Variants in EPHA7 observed in about 807,000 individuals in gnomAD.
The protein encoded by EPHA7 is ephrin type-A receptor 7.
In EPHA7, 25 loss-of-function variants were observed where a neutral mutation model predicts 112.6. The ratio of observed to expected loss-of-function variants is 0.22; its 90% confidence interval spans 0.16 to 0.31. The LOEUF is 0.31. Among genes scored for constraint, EPHA7 ranks in the 10% least tolerant of loss-of-function variants. The pLI, the probability that EPHA7 is intolerant of heterozygous loss-of-function variation, is 1.00. For missense variants in EPHA7, 962 were observed against 1,212.6 expected, an observed-to-expected ratio of 0.79 and a Z score of 3.07; for synonymous variants, 437 against 406.5, an observed-to-expected ratio of 1.07 and a Z score of -0.90.
At chr6:93,248,753 C>T (rs1770073578) in intron 14 of EPHA7, among the ~76,000 whole-genome samples, 1 of 152,098 alleles carries the variant, frequency 6.6e-6, no homozygotes, top group Non-Finnish European at 1.5e-5. Context: ...TCCAGGAGTG[C>T]AGTGGCACGA....
intron 5 of EPHA7, among the ~76,000 whole-genome samples, chr6:93,272,819 T>A (rs920769733): frequency 6.6e-6 from 1 of 151,996 alleles, no homozygotes; most frequent in Non-Finnish European, 1.5e-5. Context: ...AAAAAATAAT[T>A]TAATATGATG....
chr6:93,289,563 G>T (rs1026588229), intron 5 of EPHA7, among the ~76,000 whole-genome samples: 2 of 152,124 alleles, frequency 1.3e-5, no homozygotes, highest in Non-Finnish European at 2.9e-5. Flanking sequence ...GGTGGGGCTT[G>T]CATTGGGCCA....
At chr6:93,316,520 G>A (rs911122201) in intron 5 of EPHA7, among the ~76,000 whole-genome samples, 6 of 152,058 alleles carry the variant, frequency 3.9e-5, no homozygotes, top group Admixed American at 1.3e-4. Context: ...TCTAGATAGT[G>A]TGTAACACTA....
chr6:93,383,117 C>T (rs927645904), intron 3 of EPHA7, among the ~76,000 whole-genome samples: 1 of 152,102 alleles, frequency 6.6e-6, no homozygotes, highest in African/African-American at 2.4e-5. Flanking sequence ...CAAACATAAA[C>T]TCTCATGCTA....
At chr6:93,348,149 G>T (rs1775497545) in intron 5 of EPHA7, among the ~76,000 whole-genome samples, 1 of 151,750 alleles carries the variant, frequency 6.6e-6, no homozygotes, top group Non-Finnish European at 1.5e-5. Flanking sequence ...AACTCAGAAA[G>T]ATACTGGGAC....
chr6:93,322,336 A>G (rs1481397651), intron 5 of EPHA7, among the ~76,000 whole-genome samples: 2 of 151,782 alleles, frequency 1.3e-5, no homozygotes, highest in African/African-American at 4.8e-5. Flanking sequence ...AAATTTAGGA[A>G]GAAATATTCC....
chr6:93,267,974 C>A (rs1771026154), intron 7 of EPHA7, among the ~76,000 whole-genome samples: 1 of 151,648 alleles, frequency 6.6e-6, no homozygotes, highest in Admixed American at 6.6e-5. Flanking sequence ...TCTGAATTTA[C>A]AGGGTGATAT....
At position 93,357,655 on chromosome 6, in the gene EPHA7, C is replaced by CTT. The variant is rs11388617; in HGVS notation, c.988+599_988+600dup. ...TAATATCCATGCAAGACCCTAATAA[C>CTT]TTTTTTTTTTTTTTTGAGACGAGGT... On this transcript the variant is annotated intron_variant, in intron 4 of 16. Transcript: ENST00000369303. 3.7e-3 allele frequency among the ~76,000 whole-genome samples: 534 copies of CTT among 144,572 alleles called. 7 individuals are homozygous for CTT. The highest frequency in any genetic ancestry group is 0.021 in the East Asian group (104 of 4,924). 94.8% of individuals were successfully genotyped at this position (144,572 alleles called of 152,430 possible).
At chr6:93,315,463 T>A (rs577382852) in intron 5 of EPHA7, among the ~76,000 whole-genome samples, 1 of 152,230 alleles carries the variant, frequency 6.6e-6, no homozygotes, top group East Asian at 1.9e-4. Context: ...TATGACAAAT[T>A]TCAAAAGAAA....
At chr6:93,312,088 T>C (rs1331542864) in intron 5 of EPHA7, among the ~76,000 whole-genome samples, 2 of 152,154 alleles carry the variant, frequency 1.3e-5, no homozygotes, top group Non-Finnish European at 2.9e-5. Context: ...AAATTTAACA[T>C]AATTTAAGGG....
At chr6:93,303,003 CA>C (rs1231141271) in intron 5 of EPHA7, among the ~76,000 whole-genome samples, 1 of 152,034 alleles carries the variant, frequency 6.6e-6, no homozygotes, top group Admixed American at 6.6e-5. Flanking sequence ...AAAGACCTGC[CA>C]TACACATAGA....
chr6:93,345,659 C>A (rs918467898), intron 5 of EPHA7, among the ~76,000 whole-genome samples: 1 of 151,686 alleles, frequency 6.6e-6, no homozygotes, highest in African/African-American at 2.4e-5. Flanking sequence ...GTCATAAAAA[C>A]AGTTAAAATT....
rs185647795 is a variant in EPHA7, at chr6:93,380,469, T to C, written c.833-22058A>G. On this transcript the variant is annotated intron_variant, in intron 3 of 16. Transcript: ENST00000369303. ...TTTAAGATGTCCGGAGAAAGAAATA[T>C]CCATTAGTAAGTGGCATTCTCACTG... Among the ~76,000 whole-genome samples, 526 of 152,158 alleles carry C rather than the reference T, an allele frequency of 3.5e-3. 3 individuals are homozygous for C. The highest frequency in any genetic ancestry group is 5.8e-3 in the Admixed American group (89 of 15,292).
At chr6:93,370,822 A>C (rs1776751568) in intron 3 of EPHA7, among the ~76,000 whole-genome samples, 1 of 152,040 alleles carries the variant, frequency 6.6e-6, no homozygotes, top group Admixed American at 6.6e-5. Context: ...CAAAACTGTA[A>C]AGTACCTTAA....
At chr6:93,371,110 GC>G (rs1776772667) in intron 3 of EPHA7, among the ~76,000 whole-genome samples, 1 of 151,446 alleles carries the variant, frequency 6.6e-6, no homozygotes, top group South Asian at 2.1e-4. Flanking sequence ...CTTGCAGTGA[GC>G]CCAGATCGCG....
At chr6:93,415,182 A>G (rs991525045) in intron 1 of EPHA7, among the ~76,000 whole-genome samples, 3 of 151,994 alleles carry the variant, frequency 2.0e-5, no homozygotes, top group Non-Finnish European at 4.4e-5. Flanking sequence ...ATTAATTTGT[A>G]ACATTCTGCC....
At chr6:93,400,561 C>G (rs1021669183) in intron 3 of EPHA7, among the ~76,000 whole-genome samples, 2 of 151,990 alleles carry the variant, frequency 1.3e-5, no homozygotes, top group African/African-American at 4.8e-5. Context: ...GAAACAAGGT[C>G]TAACTGTCAC....
chr6:93,404,136 T>C (rs577970015), intron 3 of EPHA7, among the ~76,000 whole-genome samples: 1 of 152,136 alleles, frequency 6.6e-6, no homozygotes, highest in Non-Finnish European at 1.5e-5. Flanking sequence ...ACAGACAATT[T>C]TTCTAGGTAA....
At position 93,356,770 on chromosome 6, in the gene EPHA7, A is replaced by G; in HGVS notation, c.1271T>C (p.Leu424Ser). ...EVEAVNGVSD[L>S]SRSQRLFAAV... ...AGCAAAGAGCCTCTGGGATCGGCTT[A>G]AGTCAGAAACTCCATTTACAGCTTC... Residue 424 changes from leucine (L) to serine (S), a missense_variant, in exon 5 of 17, where the codon TTA (leucine) becomes TCA (serine). Around this residue, in one of 3 missense-constraint regions of EPHA7, gnomAD observed 746 missense variants for 889.2 expected, o/e 0.84. Coordinates refer to ENST00000369303, the MANE Select transcript of EPHA7 (RefSeq NM_004440.4). The G allele has an allele frequency of 2.5e-6, 4 of 1,614,112 alleles. No homozygotes were observed. The highest frequency in any genetic ancestry group is 3.4e-6 in the Non-Finnish European group (4 of 1,179,962).
Sources: gnomAD v4.1 joint callset for allele counts (sites outside exome capture counted in the v4.1 genomes callset) on GRCh38, gnomAD v4.1.1 for gene constraint, gnomAD v4.1.1 regional missense constraint, MANE v1.5 for transcripts, NCBI Gene and HGNC (gene_info 2026-07-23, HGNC 2026-07-21) for gene names.